The following DLG2 variants were observed in gnomAD, a reference collection of about 807,000 sequenced individuals.
DLG2 encodes the protein disks large homolog 2.
Under a neutral mutation model 132.5 loss-of-function variants are expected in DLG2, and 45 were observed. The ratio of observed to expected loss-of-function variants is 0.34; its 90% CI spans 0.27 to 0.44. The LOEUF (loss-of-function observed/expected upper bound fraction) is 0.44, where lower values mean the gene tolerates loss of function less well. DLG2 is among the 20% of genes least tolerant of loss of function. The probability of loss-of-function intolerance (pLI) is 1.00; values close to 1 mark genes in which losing one functional copy is unlikely to be tolerated. For synonymous variants in DLG2, 424 were observed against 419.6 expected, an observed-to-expected ratio of 1.01 and a Z score of -0.13; for missense variants, 1,045 against 1,196.9, an observed-to-expected ratio of 0.87 and a Z score of 1.87.
At chr11:84,923,263 T>C in intron 6 of DLG2, 1 of 1,499,834 alleles carries the variant, frequency 6.7e-7, no homozygotes, top group Non-Finnish European at 8.9e-7. Flanking sequence ...TTTCTCTGAC[T>C]ACAAAACGAC....
intron 4 of DLG2, among the ~76,000 whole-genome samples, chr11:85,273,350 A>T (rs1490146629): frequency 1.3e-5 from 2 of 152,184 alleles, no homozygotes; most frequent in African/African-American, 4.8e-5. Flanking sequence ...TTTACAATCT[A>T]CCCATCTGAC....
At chr11:84,813,169 AATAC>A (rs1469244491) in intron 6 of DLG2, among the ~76,000 whole-genome samples, 1 of 151,186 alleles carries the variant, frequency 6.6e-6, no homozygotes, top group Non-Finnish European at 1.5e-5. Flanking sequence ...TACAAAATTA[AATAC>A]ATACACACAC....
intron 7 of DLG2, among the ~76,000 whole-genome samples, chr11:84,388,110 A>G (rs1184769283): frequency 2.0e-5 from 3 of 152,204 alleles, no homozygotes; most frequent in Admixed American, 6.5e-5. Context: ...CTGGGGACGT[A>G]TAATAACAAA....
intron 14 of DLG2, among the ~76,000 whole-genome samples, chr11:83,956,816 G>A (rs2086988729): frequency 1.3e-5 from 2 of 152,158 alleles, no homozygotes; most frequent in South Asian, 2.1e-4. Context: ...TGTTCCTAAT[G>A]GGTACCATAA....
At chr11:84,490,386 G>C (rs960450265) in intron 7 of DLG2, among the ~76,000 whole-genome samples, 2 of 152,070 alleles carry the variant, frequency 1.3e-5, no homozygotes, top group East Asian at 3.9e-4. Flanking sequence ...GAAATTCCCA[G>C]CTTCTAAATT....
intron 3 of DLG2, among the ~76,000 whole-genome samples, chr11:85,493,615 A>G (rs1025059765): frequency 6.6e-6 from 1 of 151,222 alleles, no homozygotes; most frequent in Non-Finnish European, 1.5e-5. Flanking sequence ...AGGTGCAGCG[A>G]GCTATGATTG....
intron 7 of DLG2, among the ~76,000 whole-genome samples, chr11:84,336,737 A>G (rs1304237835): frequency 6.6e-6 from 1 of 152,276 alleles, no homozygotes; most frequent in East Asian, 1.9e-4. Flanking sequence ...TTCCCACTCT[A>G]AAGTAGGTCT....
chr11:85,572,988 C>G (rs931161334), intron 3 of DLG2, among the ~76,000 whole-genome samples: 5 of 152,192 alleles, frequency 3.3e-5, no homozygotes, highest in African/African-American at 1.2e-4. Context: ...TAAGTGAGTT[C>G]TCACTCTGAG....
At chr11:84,377,075 T>C (rs909164507) in intron 7 of DLG2, among the ~76,000 whole-genome samples, 3 of 152,076 alleles carry the variant, frequency 2.0e-5, no homozygotes, top group African/African-American at 7.2e-5. Flanking sequence ...AAATTATGAT[T>C]ACCAGATATA....
chr11:84,193,767 T>G (rs966216680), intron 8 of DLG2, among the ~76,000 whole-genome samples: 2 of 152,208 alleles, frequency 1.3e-5, no homozygotes, highest in Admixed American at 1.3e-4. Context: ...ATAATGTAGA[T>G]GTTTCATAAG....
chr11:84,145,651 C>A (rs1303891919), intron 9 of DLG2, among the ~76,000 whole-genome samples: 1 of 152,070 alleles, frequency 6.6e-6, no homozygotes, highest in Non-Finnish European at 1.5e-5. Context: ...ATATATTGGT[C>A]AGTTTAGATG....
At chr11:84,209,677 T>C (rs1225522331) in intron 8 of DLG2, among the ~76,000 whole-genome samples, 2 of 151,880 alleles carry the variant, frequency 1.3e-5, no homozygotes, top group Non-Finnish European at 2.9e-5. Flanking sequence ...CTTAGCAAGA[T>C]GGGATATATG....
chr11:85,135,938 C>G (rs1332752493), intron 5 of DLG2, among the ~76,000 whole-genome samples: 1 of 152,136 alleles, frequency 6.6e-6, no homozygotes, highest in Non-Finnish European at 1.5e-5. Flanking sequence ...CAGAATGGAG[C>G]AGTGAGGGAA....
intron 7 of DLG2, among the ~76,000 whole-genome samples, chr11:84,403,041 T>G (rs912262157): frequency 2.0e-5 from 3 of 152,076 alleles, no homozygotes; most frequent in African/African-American, 7.3e-5. Context: ...GTATAAAGTG[T>G]TCTCAGACTG....
intron 14 of DLG2, among the ~76,000 whole-genome samples, chr11:83,940,749 C>T (rs1157230580): frequency 1.3e-5 from 2 of 152,146 alleles, no homozygotes; most frequent in East Asian, 1.9e-4. Context: ...GATTCAAGTC[C>T]GGCCCTATTC....
chr11:85,261,502 T>C (rs2076939244), intron 4 of DLG2, among the ~76,000 whole-genome samples: 1 of 152,050 alleles, frequency 6.6e-6, no homozygotes. Flanking sequence ...CCTATGGTTG[T>C]TGAGAGTCTG....
intron 12 of DLG2, among the ~76,000 whole-genome samples, chr11:83,974,710 A>G (rs953934468): frequency 3.3e-5 from 5 of 152,074 alleles, no homozygotes; most frequent in African/African-American, 9.7e-5. Flanking sequence ...CCAATCTAAT[A>G]TAATGCTACT....
chr11:85,467,895 C>T (rs1365874150), intron 3 of DLG2, among the ~76,000 whole-genome samples: 4 of 152,220 alleles, frequency 2.6e-5, no homozygotes, highest in East Asian at 1.9e-4. Flanking sequence ...CTACCAGCAA[C>T]TCCTTGTACC....
intron 19 of DLG2, among the ~76,000 whole-genome samples, chr11:83,579,024 C>G (rs1001953897): frequency 1.3e-5 from 2 of 152,206 alleles, no homozygotes; most frequent in Admixed American, 6.5e-5. Context: ...TTGGATTTTT[C>G]TCTGATATAT....
Sources: gnomAD v4.1 joint callset for allele counts (sites outside exome capture counted in the v4.1 genomes callset) on GRCh38, gnomAD v4.1.1 for gene constraint, MANE v1.5 for transcripts, NCBI Gene and HGNC (gene_info 2026-07-23, HGNC 2026-07-21) for gene names.